ELF1: variants seen among roughly 807,000 people sequenced by gnomAD.
ELF1 encodes the protein E74 like ETS transcription factor 1.
In ELF1, 24 loss-of-function variants were observed where a neutral mutation model predicts 59.9. That is an observed-to-expected ratio of 0.40 (90% CI 0.29 to 0.56). The LOEUF is 0.56. Ranked by LOEUF, ELF1 falls within the 20% of genes least tolerant of loss-of-function variation. The pLI is 0.44. For missense variants in ELF1, 627 were observed against 742.2 expected, an observed-to-expected ratio of 0.84 and a Z score of 1.80; for synonymous variants, 248 against 266.2, an observed-to-expected ratio of 0.93 and a Z score of 0.67.
intron 1 of ELF1, among the ~76,000 whole-genome samples, chr13:40,983,530 C>T (rs1873395472): frequency 6.6e-6 from 1 of 152,042 alleles, no homozygotes; most frequent in Non-Finnish European, 1.5e-5. Context: ...ATTAAGAATC[C>T]AATTCAGATG....
chr13:40,993,556 C>T (rs770410440), intron 1 of ELF1, among the ~76,000 whole-genome samples: 1 of 152,180 alleles, frequency 6.6e-6, no homozygotes, highest in Non-Finnish European at 1.5e-5. Context: ...TCCTTGCTCA[C>T]TATGGCCTCA....
At chr13:40,939,100 A>C (rs556997318) in intron 8 of ELF1, among the ~76,000 whole-genome samples, 67 of 152,314 alleles carry the variant, frequency 4.4e-4, no homozygotes, top group African/African-American at 1.5e-3. Flanking sequence ...CAGGAGGCCA[A>C]GGTGGTAGGA....
At position 40,982,074 on chromosome 13, in the gene ELF1, A is replaced by C. The variant is rs1873305429; in HGVS notation, c.-20T>G. The C allele has an allele frequency of 2.5e-6, 4 of 1,600,106 alleles. No homozygotes were observed. The East Asian group carries it at 9.0e-5, about 36-fold the overall frequency. On this transcript the variant is annotated 5_prime_UTR_variant, in exon 2 of 9. Transcript: ENST00000239882. The stretch of plus-strand genomic sequence containing the variant: ...AGCCATAATAAAGCATTCCCCTTAG[A>C]TCCACATGAGAAAAATTCCAAGAAG...
chr13:41,017,640 T>C (rs1875485347), intron 1 of ELF1, among the ~76,000 whole-genome samples: 1 of 152,024 alleles, frequency 6.6e-6, no homozygotes, highest in Non-Finnish European at 1.5e-5. Context: ...CGTAAGAAAA[T>C]ACATAAACAA....
intron 2 of ELF1, among the ~76,000 whole-genome samples, chr13:40,971,801 T>C (rs1243212590): frequency 2.0e-5 from 3 of 152,228 alleles, no homozygotes; most frequent in East Asian, 3.8e-4. Flanking sequence ...AATTTGGCCA[T>C]ACATCTCAAA....
At chr13:41,036,403 C>T (rs1361066776) in intron 1 of ELF1, among the ~76,000 whole-genome samples, 1 of 152,172 alleles carries the variant, frequency 6.6e-6, no homozygotes, top group Non-Finnish European at 1.5e-5. Flanking sequence ...TATAGCTAAA[C>T]TACTCTGCTT....
rs572229969 is a variant in ELF1 at position 41,057,683 on chromosome 13, T to A, written c.-229+3155A>T. On this transcript the variant is annotated intron_variant, in intron 1 of 1. Transcript: ENST00000405737. ...CACCACACCCTGCCTCTTTCATGTA[T>A]CTTCTAATTACACCTAACAGTAGCA... 2.0e-5 allele frequency among the ~76,000 whole-genome samples: 3 copies of A among 152,206 alleles called. No homozygotes were observed. In the South Asian group the frequency reaches 6.2e-4, roughly 31 times the overall value.
intron 3 of ELF1, among the ~76,000 whole-genome samples, chr13:40,953,821 G>A (rs2138171051): frequency 6.6e-6 from 1 of 152,328 alleles, no homozygotes; most frequent in South Asian, 2.1e-4. Flanking sequence ...AAGGATGGAA[G>A]AGTTAAACAA....
intron 1 of ELF1, among the ~76,000 whole-genome samples, chr13:41,031,104 A>G (rs760230321): frequency 1.3e-5 from 2 of 151,890 alleles, no homozygotes; most frequent in Non-Finnish European, 2.9e-5. Flanking sequence ...GGCTGCAGTA[A>G]GCCATAATGG....
At chr13:40,975,177 C>T (rs1055557949) in intron 2 of ELF1, among the ~76,000 whole-genome samples, 3 of 152,212 alleles carry the variant, frequency 2.0e-5, no homozygotes, top group Non-Finnish European at 4.4e-5. Context: ...CTGCCCTTCT[C>T]ATCACTGGCG....
At chr13:41,008,397 T>G (rs1874868063) in intron 1 of ELF1, among the ~76,000 whole-genome samples, 1 of 152,202 alleles carries the variant, frequency 6.6e-6, no homozygotes, top group Admixed American at 6.6e-5. Flanking sequence ...AATGCAAGCT[T>G]TCAACTGAAA....
intron 2 of ELF1, among the ~76,000 whole-genome samples, chr13:40,960,294 T>C (rs1284502192): frequency 1.3e-5 from 2 of 152,232 alleles, no homozygotes; most frequent in Non-Finnish European, 2.9e-5. Flanking sequence ...TTTTTGGTTA[T>C]AGGTTTCCTT....
rs4053825 is a variant in ELF1 at position 41,038,066 on chromosome 13, TAA to T, written c.-229+22770_-229+22771del. Among the ~76,000 whole-genome samples the T allele has an allele frequency of 3.2e-3, 408 of 126,590 alleles. 7 individuals carry two copies. The East Asian group carries it at 0.056, about 17-fold the overall frequency. The allele number at this position is 126,590 out of a possible 152,430, so 83.0% of individuals were successfully genotyped here. On this transcript the variant is annotated intron_variant, in intron 1 of 1. Transcript: ENST00000405737. ...CTATGTTAGCAAAGTGAAGAAACCT[TAA>T]AAAAAAAAAAAAAAAGGAATAGTGA...
chr13:40,990,164 T>C (rs1298583957), intron 1 of ELF1, among the ~76,000 whole-genome samples: 1 of 152,208 alleles, frequency 6.6e-6, no homozygotes, highest in African/African-American at 2.4e-5. Context: ...TGGTTAAAGC[T>C]GGTAGGAAAT....
intron 1 of ELF1, among the ~76,000 whole-genome samples, chr13:41,047,779 G>A (rs1199013924): frequency 2.0e-5 from 3 of 152,170 alleles, no homozygotes; most frequent in Non-Finnish European, 4.4e-5. Context: ...ACTCTGTGCT[G>A]GGAAAACCAC....
At chr13:41,046,191 A>G (rs1311883069) in intron 1 of ELF1, among the ~76,000 whole-genome samples, 1 of 152,060 alleles carries the variant, frequency 6.6e-6, no homozygotes, top group Non-Finnish European at 1.5e-5. Flanking sequence ...TGCACATGAG[A>G]TGGGTCTCCT....
chr13:41,042,376 G>C (rs146710712), intron 1 of ELF1, among the ~76,000 whole-genome samples: 12 of 151,638 alleles, frequency 7.9e-5, no homozygotes, highest in South Asian at 4.2e-4. Context: ...TGTCACATAT[G>C]TATACATGTG....
At chr13:40,942,226 T>TA (rs1354893845) in intron 7 of ELF1, among the ~76,000 whole-genome samples, 23 of 152,122 alleles carry the variant, frequency 1.5e-4, no homozygotes, top group Non-Finnish European at 2.6e-4. Context: ...AAGTGTATGT[T>TA]AAAAAAACCC....
intron 1 of ELF1, among the ~76,000 whole-genome samples, chr13:41,028,865 C>G (rs954447119): frequency 7.2e-5 from 11 of 152,152 alleles, no homozygotes; most frequent in African/African-American, 2.4e-4. Context: ...TCCCGAGTAG[C>G]TGGGACTACA....
Sources: gnomAD v4.1 joint callset for allele counts (sites outside exome capture counted in the v4.1 genomes callset) on GRCh38, gnomAD v4.1.1 for gene constraint, MANE v1.5 for transcripts, NCBI Gene and HGNC (gene_info 2026-07-23, HGNC 2026-07-21) for gene names.